AGPAT5: variants seen among roughly 807,000 people sequenced by gnomAD.
The protein encoded by AGPAT5 is 1-acylglycerol-3-phosphate O-acyltransferase 5, also known as 1-acyl-sn-glycerol-3-phosphate acyltransferase epsilon.
In AGPAT5, 46 loss-of-function variants were observed where a neutral mutation model predicts 45.6. That is an observed-to-expected ratio of 1.01 (90% CI 0.80 to 1.29). The LOEUF is 1.29. AGPAT5 is among the 50% of genes most tolerant of loss of function. The pLI, the probability that AGPAT5 is intolerant of heterozygous loss-of-function variation, is 0.00. For synonymous variants in AGPAT5, 272 were observed against 167.0 expected, an observed-to-expected ratio of 1.63 and a Z score of -4.85; for missense variants, 673 against 450.7, an observed-to-expected ratio of 1.49 and a Z score of -4.47.
At chr8:6,724,138 TTAAAAA>T (rs1428813288) in intron 1 of AGPAT5, among the ~76,000 whole-genome samples, 6 of 152,144 alleles carry the variant, frequency 3.9e-5, no homozygotes, top group Non-Finnish European at 8.8e-5. Context: ...ACCGCCCAGT[TTAAAAA>T]TAAACTGGAA....
At chr8:6,742,230 G>A (rs1275893460) in intron 5 of AGPAT5, among the ~76,000 whole-genome samples, 1 of 152,172 alleles carries the variant, frequency 6.6e-6, no homozygotes, top group Admixed American at 6.5e-5. Context: ...CTAAATCTGT[G>A]TGAGGATTAG....
chr8:6,747,385 G>T (rs12546427), intron 5 of AGPAT5, among the ~76,000 whole-genome samples: 1 of 152,118 alleles, frequency 6.6e-6, no homozygotes, highest in Non-Finnish European at 1.5e-5. Flanking sequence ...ATTTACCCTT[G>T]CCGGGGTCTA....
At chr8:6,738,005 A>G (rs1433892783) in intron 4 of AGPAT5, among the ~76,000 whole-genome samples, 3 of 152,148 alleles carry the variant, frequency 2.0e-5, no homozygotes, top group Non-Finnish European at 2.9e-5. Flanking sequence ...GGCTGGTTTG[A>G]TGTTTTATCT....
rs1265441782 is a variant in AGPAT5, at chr8:6,756,283, CCATGGATTCCACATT to C, written c.870-867_870-853del. Among the ~76,000 whole-genome samples, 3 of 152,114 alleles carry C rather than the reference CCATGGATTCCACATT, an allele frequency of 2.0e-5. No homozygotes were observed. In the East Asian group the frequency reaches 5.8e-4, roughly 29 times the overall value. On this transcript the variant is annotated intron_variant, in intron 7 of 7. Coordinates refer to ENST00000285518, the MANE Select transcript of AGPAT5 (RefSeq NM_018361.5). ...CCCAGGTGCAGTGAGCAGTCCATAT[CCATGGATTCCACATT>C]CATGGATTCCACCAAGCACAGACCA...
At chr8:6,725,593 C>G (rs967192642) in intron 2 of AGPAT5, among the ~76,000 whole-genome samples, 1 of 152,178 alleles carries the variant, frequency 6.6e-6, no homozygotes, top group African/African-American at 2.4e-5. Flanking sequence ...CTTAATATAA[C>G]TGTAGCACAG....
intron 4 of AGPAT5, among the ~76,000 whole-genome samples, chr8:6,733,340 C>G (rs1257152081): frequency 6.6e-6 from 1 of 152,178 alleles, no homozygotes; most frequent in Non-Finnish European, 1.5e-5. Flanking sequence ...TCTGTCTTCC[C>G]TCCTCTCCTC....
intron 5 of AGPAT5, among the ~76,000 whole-genome samples, chr8:6,746,456 T>C (rs1801467139): frequency 6.6e-6 from 1 of 152,230 alleles, no homozygotes; most frequent in Non-Finnish European, 1.5e-5. Flanking sequence ...TAATTAGTTG[T>C]TTTAGTGAAC....
In AGPAT5 at chr8:6,723,441, C is replaced by A. The variant is rs1162683177; in HGVS notation, c.220-1429C>A. Among the ~76,000 whole-genome samples, 8 of 152,252 alleles carry A rather than the reference C, an allele frequency of 5.3e-5. No individual in the cohort carries two copies. The East Asian group carries it at 1.4e-3, about 26-fold the overall frequency. On this transcript the variant is annotated intron_variant, in intron 1 of 7. Transcript: ENST00000285518. ...GGCTTAAGAGATCTTCCCTCCCTGC[C>A]CCTACCGACCCCGCCCGCCCACTCC...
At chr8:6,752,483 A>T in intron 6 of AGPAT5, among the ~76,000 whole-genome samples, 1 of 152,046 alleles carries the variant, frequency 6.6e-6, no homozygotes, top group East Asian at 1.9e-4. Flanking sequence ...AAGGCTATAT[A>T]GTGTTCATTG....
intron 6 of AGPAT5, among the ~76,000 whole-genome samples, chr8:6,751,333 G>A (rs1801648647): frequency 6.6e-6 from 1 of 152,146 alleles, no homozygotes; most frequent in South Asian, 2.1e-4. Flanking sequence ...TTGTTGATAT[G>A]CCATGGCCCA....
Position 6,759,085 on chromosome 8 carries a change from G to C in AGPAT5, c.*1697G>C, listed in dbSNP as rs562477834. On this transcript the variant is annotated 3_prime_UTR_variant, in exon 8 of 8. Coordinates refer to ENST00000285518, the MANE Select transcript of AGPAT5 (RefSeq NM_018361.5). ...ATCCATGGACACTCAGGATATAGTT[G>C]GCCTAATAATCGGGGCATGGGTAAA... 6.6e-6 allele frequency: 1 copy of C among 152,260 alleles called. No homozygotes were observed. Among genetic ancestry groups the C allele is most frequent in the East Asian group, 1.9e-4 (1 of 5,182 alleles). The allele number at this position is 152,260 out of a possible 1,614,324, so 9.4% of individuals were successfully genotyped here.
chr8:6,748,966 C>G (rs980666162), intron 6 of AGPAT5, among the ~76,000 whole-genome samples: 1 of 152,104 alleles, frequency 6.6e-6, no homozygotes, highest in Non-Finnish European at 1.5e-5. Flanking sequence ...TTTTTAACTA[C>G]AACAAAACAT....
At chr8:6,726,975 T>C (rs985790187) in intron 2 of AGPAT5, among the ~76,000 whole-genome samples, 1 of 152,204 alleles carries the variant, frequency 6.6e-6, no homozygotes, top group Non-Finnish European at 1.5e-5. Context: ...ATATAAAAAT[T>C]TGCATGTAGT....
intron 6 of AGPAT5, among the ~76,000 whole-genome samples, chr8:6,748,658 C>A (rs1801558251): frequency 6.6e-6 from 1 of 152,184 alleles, no homozygotes. Flanking sequence ...GCGTGTGCCA[C>A]CATGCATGAC....
intron 4 of AGPAT5, among the ~76,000 whole-genome samples, chr8:6,734,814 G>A (rs1280704041): frequency 6.6e-6 from 1 of 151,944 alleles, no homozygotes; most frequent in Non-Finnish European, 1.5e-5. Flanking sequence ...CTGCATTTGG[G>A]TTTTGCTCAT....
chr8:6,710,647 G>T (rs1800127267), intron 1 of AGPAT5, among the ~76,000 whole-genome samples: 2 of 152,078 alleles, frequency 1.3e-5, no homozygotes, highest in South Asian at 4.1e-4. Flanking sequence ...AACAGAGCAG[G>T]GTATTTTGAA....
rs1802010161 is a variant in AGPAT5, at chr8:6,760,702, C to G, written c.*3314C>G. ...TTATAAACAAGATTTTTTCTCCCTC[C>G]TTTTGGGCCAGTTTTCATTACGAGT... On this transcript the variant is annotated 3_prime_UTR_variant, in exon 8 of 8. Coordinates refer to ENST00000285518, the MANE Select transcript of AGPAT5 (RefSeq NM_018361.5). Among the ~76,000 whole-genome samples the G allele has an allele frequency of 1.3e-5, 2 of 152,120 alleles. No homozygotes were observed. Among genetic ancestry groups the G allele is most frequent in the Admixed American group, 1.3e-4 (2 of 15,272 alleles).
chr8:6,724,472 G>C (rs367642070), intron 1 of AGPAT5, among the ~76,000 whole-genome samples: 1 of 152,060 alleles, frequency 6.6e-6, no homozygotes, highest in Non-Finnish European at 1.5e-5. Flanking sequence ...CCTTAAAAAG[G>C]TACCATATTT....
intron 6 of AGPAT5, among the ~76,000 whole-genome samples, chr8:6,749,324 G>GA (rs999409979): frequency 6.7e-5 from 10 of 149,732 alleles, no homozygotes; most frequent in South Asian, 2.1e-4. Context: ...ATGGTCGAAG[G>GA]AAAAAAAAAT....
Sources: allele counts gnomAD v4.1 joint callset (sites outside exome capture counted in the v4.1 genomes callset), GRCh38; gene constraint gnomAD v4.1.1; transcripts MANE v1.5; gene names NCBI Gene and HGNC (gene_info 2026-07-23, HGNC 2026-07-21).